PUS10: variants seen among roughly 807,000 people sequenced by gnomAD.
PUS10 encodes the protein pseudouridine synthase 10.
PUS10 carries 59 observed loss-of-function variants against 75.0 expected under a neutral mutation model. That is an observed-to-expected ratio of 0.79 (90% CI 0.64 to 0.98). The LOEUF (loss-of-function observed/expected upper bound fraction) is 0.98. PUS10 is among the 50% of genes least tolerant of loss of function. The pLI, the probability that PUS10 is intolerant of heterozygous loss-of-function variation, is 0.00. For missense variants in PUS10, 650 were observed against 614.4 expected (o/e 1.06, Z -0.61); for synonymous variants, 219 against 211.6 (o/e 1.03, Z -0.30).
intron 1 of PUS10, among the ~76,000 whole-genome samples, chr2:61,015,376 T>C (rs1490689366): frequency 6.6e-6 from 1 of 152,128 alleles, no homozygotes; most frequent in African/African-American, 2.4e-5. Context: ...GGTGTGCACC[T>C]GTAATCCCTG....
Position 60,942,157 on chromosome 2 carries a change from T to TG in PUS10, c.*237dup, listed in dbSNP as rs1208382663. 4.1e-5 allele frequency: 19 copies of TG among 459,956 alleles called. No homozygotes were observed. Among genetic ancestry groups the TG allele is most frequent in the Non-Finnish European group, 7.5e-5 (19 of 252,762 alleles). 28.5% of individuals were successfully genotyped at this position (459,956 alleles called of 1,614,324 possible). ...ATTTCATTATTCATAGTTTGGTTTG[T>TG]GGGGGTGAAAGAGGGAATGAGAAAA... On this transcript the variant is annotated 3_prime_UTR_variant, in exon 18 of 18. Transcript: ENST00000316752.
chr2:60,986,994 TTCTGACTC>T (rs1677764216), intron 4 of PUS10, among the ~76,000 whole-genome samples: 1 of 152,240 alleles, frequency 6.6e-6, no homozygotes, highest in African/African-American at 2.4e-5. Flanking sequence ...AATACAGGTC[TTCTGACTC>T]TCTGTTCAGT....
chr2:61,006,701 C>A, intron 3 of PUS10, 58 bp from the exon 4 acceptor site: 1 of 1,322,012 alleles, frequency 7.6e-7, no homozygotes. Context: ...ATTACTTACC[C>A]TAATCTTAAT....
At chr2:60,945,133 G>A in intron 16 of PUS10, 25 bp from the exon 17 acceptor site, 2 of 1,439,480 alleles carry the variant, frequency 1.4e-6, no homozygotes, top group Non-Finnish European at 2.0e-6. Flanking sequence ...AGGAAAAAAT[G>A]AAGACAGCAT....
chr2:60,967,642 C>T, intron 5 of PUS10, 29 bp from the exon 6 acceptor site: 2 of 1,470,296 alleles, frequency 1.4e-6, no homozygotes, highest in Non-Finnish European at 1.9e-6. Flanking sequence ...AATTCACTGA[C>T]ATGAAAAACT....
chr2:60,970,080 G>A lies in PUS10; in HGVS notation c.503+1443C>T, dbSNP rs181898088. On this transcript the variant is annotated intron_variant, in intron 5 of 17. Coordinates refer to ENST00000316752, the MANE Select transcript of PUS10 (RefSeq NM_144709.4). ...GCCTGGGCAACAGGGGTGAAACTAC[G>A]TTTAAAAAAAAAAACAAAACCCGAA... Among the ~76,000 whole-genome samples the A allele has an allele frequency of 4.7e-3, 701 of 150,738 alleles. 5 individuals are homozygous for A. Among genetic ancestry groups the A allele is most frequent in the African/African-American group, 0.016 (638 of 41,088 alleles).
intron 2 of PUS10, 40 bp downstream of exon 2, chr2:61,011,725 T>G: frequency 7.0e-7 from 1 of 1,418,778 alleles, no homozygotes; most frequent in Non-Finnish European, 9.3e-7. Flanking sequence ...CAGAGAACCT[T>G]CTCTTAATTT....
chr2:60,979,687 C>T (rs953456051), intron 4 of PUS10, among the ~76,000 whole-genome samples: 7 of 151,934 alleles, frequency 4.6e-5, no homozygotes, highest in African/African-American at 1.7e-4. Flanking sequence ...CATCAAAATC[C>T]TCTTTTCTTT....
intron 4 of PUS10, among the ~76,000 whole-genome samples, chr2:61,002,769 A>C (rs965936408): frequency 2.0e-5 from 3 of 152,258 alleles, no homozygotes; most frequent in Non-Finnish European, 4.4e-5. Context: ...TGACAGTCGT[A>C]AGGTATTTAT....
At chr2:60,946,760 T>C (rs1052411929) in intron 16 of PUS10, among the ~76,000 whole-genome samples, 2 of 151,980 alleles carry the variant, frequency 1.3e-5, no homozygotes, top group African/African-American at 4.8e-5. Context: ...ACAGGCAGAC[T>C]AGTTACAGCA....
chr2:60,960,304 A>G, intron 11 of PUS10, 88 bp downstream of exon 11: 1 of 1,002,998 alleles, frequency 1.0e-6, no homozygotes, highest in Non-Finnish European at 1.4e-6. Context: ...TGATCGTGCT[A>G]CTGCAATCTA....
rs1401675916 is a variant in PUS10, at chr2:60,967,711, G to T, written c.504-98C>A. The T allele has an allele frequency of 1.5e-5, 12 of 776,346 alleles. No homozygotes were observed. In the East Asian group the frequency reaches 3.0e-4, roughly 19 times the overall value. 48.1% of individuals were successfully genotyped at this position (776,346 alleles called of 1,614,324 possible). A position where few individuals can be genotyped will look rare whatever the true frequency, so the allele number is the denominator to read the frequency against. On this transcript the variant is annotated intron_variant, in intron 5 of 17. Transcript: ENST00000316752. Reference sequence around the variant, plus strand: ...ATTATTTTTAAAATATTGATTGAGTGCCTAGTATGTACCAGGCACTATTCT... The same window carrying T: ...ATTATTTTTAAAATATTGATTGAGTTCCTAGTATGTACCAGGCACTATTCT...
intron 15 of PUS10, among the ~76,000 whole-genome samples, chr2:60,950,537 C>A (rs1675271956): frequency 6.6e-6 from 1 of 152,166 alleles, no homozygotes; most frequent in South Asian, 2.1e-4. Flanking sequence ...CATGCCTCAT[C>A]TTCCCAAGTA....
intron 9 of PUS10, among the ~76,000 whole-genome samples, chr2:60,961,940 C>G (rs945937515): frequency 3.3e-5 from 5 of 152,210 alleles, no homozygotes; most frequent in South Asian, 2.1e-4. Flanking sequence ...GACTCTACCC[C>G]CCTTATCACA....
intron 12 of PUS10, among the ~76,000 whole-genome samples, chr2:60,954,707 G>A (rs541042407): frequency 6.6e-6 from 1 of 152,272 alleles, no homozygotes; most frequent in East Asian, 1.9e-4. Context: ...CTTCTGAAAT[G>A]TTATTAAATG....
rs192392878 is a variant in PUS10, at chr2:60,954,051, A to C, written c.1134+31T>G. 5.0e-4 allele frequency: 800 copies of C among 1,611,800 alleles called. 14 individuals are homozygous for C. In the East Asian group the frequency reaches 0.016, roughly 32 times the overall value. On this transcript the variant is annotated intron_variant, in intron 13 of 17. Transcript: ENST00000316752. ...AGCTCAGTTACAGAATTGCAGAAAC[A>C]TGACGATTTCCATGGCATGAAGTGG...
chr2:60,972,945 G>A (rs1676777958), intron 4 of PUS10, among the ~76,000 whole-genome samples: 1 of 152,224 alleles, frequency 6.6e-6, no homozygotes, highest in South Asian at 2.1e-4. Flanking sequence ...TGGACCGTCC[G>A]GAGTAGCTGC....
chr2:60,981,128 G>C (rs919454606), intron 4 of PUS10, among the ~76,000 whole-genome samples: 2 of 151,994 alleles, frequency 1.3e-5, no homozygotes, highest in African/African-American at 4.8e-5. Context: ...CCTGACCTCA[G>C]GTGATCCACC....
At chr2:60,970,264 C>T (rs1170451969) in intron 5 of PUS10, among the ~76,000 whole-genome samples, 1 of 152,104 alleles carries the variant, frequency 6.6e-6, no homozygotes, top group Non-Finnish European at 1.5e-5. Context: ...TCTAACGAAA[C>T]CCCCAAACCT....
Sources: gnomAD v4.1 joint callset for allele counts (sites outside exome capture counted in the v4.1 genomes callset) on GRCh38, gnomAD v4.1.1 for gene constraint, MANE v1.5 for transcripts, NCBI Gene and HGNC (gene_info 2026-07-23, HGNC 2026-07-21) for gene names.